RANBP2: variants seen among roughly 807,000 people sequenced by gnomAD.
The protein encoded by RANBP2 is RAN binding protein 2.
In RANBP2, 57 loss-of-function variants were observed where a neutral mutation model predicts 303.6. That is an observed-to-expected ratio of 0.19 (90% CI 0.15 to 0.23). RANBP2 has a LOEUF of 0.23. Among genes scored for constraint, RANBP2 ranks in the 10% least tolerant of loss-of-function variants. RANBP2 has a pLI of 1.00. For missense variants in RANBP2, 3,138 were observed against 3,780.8 expected (o/e 0.83, Z 4.46); for synonymous variants, 1,167 against 1,301.5 (o/e 0.90, Z 2.23).
At chr2:108,897,222 G>A in the RANBP2 span, 1 of 1,613,630 alleles carries the variant, frequency 6.2e-7, no homozygotes, top group Non-Finnish European at 8.5e-7. Flanking sequence ...GCTCCGTGGG[G>A]CTAAGACCTA....
the RANBP2 span, among the ~76,000 whole-genome samples, chr2:108,804,051 G>A: frequency 1.3e-5 from 2 of 151,990 alleles, no homozygotes; most frequent in Admixed American, 6.6e-5. Context: ...TAGATTCTCT[G>A]ATCTCTCCAT....
At chr2:108,994,344 C>T in the RANBP2 span, among the ~76,000 whole-genome samples, 59 of 152,318 alleles carry the variant, frequency 3.9e-4, 1 homozygote, top group South Asian at 1.2e-3. Context: ...GGGTTTGAGA[C>T]GGCCCCCACC....
At chr2:108,981,758 C>T in the RANBP2 span, among the ~76,000 whole-genome samples, 1 of 152,180 alleles carries the variant, frequency 6.6e-6, no homozygotes, top group East Asian at 1.9e-4. Context: ...GACAGCAAGG[C>T]GAAGTCCATG....
At chr2:109,472,817 A>G in the RANBP2 span, among the ~76,000 whole-genome samples, 6 of 152,196 alleles carry the variant, frequency 3.9e-5, no homozygotes, top group Admixed American at 6.5e-5. Flanking sequence ...TGGAAATCCA[A>G]CACACAGCAA....
chr2:109,242,059 T>C, the RANBP2 span, among the ~76,000 whole-genome samples: 53 of 152,078 alleles, frequency 3.5e-4, 2 homozygotes, highest in East Asian at 9.7e-3. Context: ...CTGGCTCTGG[T>C]GTAGACGGGG....
the RANBP2 span, among the ~76,000 whole-genome samples, chr2:109,353,593 G>T: frequency 8.5e-5 from 13 of 152,280 alleles, no homozygotes; most frequent in South Asian, 2.1e-3. Flanking sequence ...CCTGGCCAGG[G>T]CTGGCAGGCC....
chr2:109,106,401 AC>A, the RANBP2 span, among the ~76,000 whole-genome samples: 2 of 152,118 alleles, frequency 1.3e-5, no homozygotes, highest in South Asian at 4.1e-4. Context: ...ACAAGATAAA[AC>A]TGTGCATCAC....
the RANBP2 span, among the ~76,000 whole-genome samples, chr2:109,517,748 C>CCGTG: frequency 2.8e-4 from 43 of 152,330 alleles, 1 homozygote; most frequent in South Asian, 5.4e-3. Flanking sequence ...CAAGTGCCCA[C>CCGTG]CGTGCAGCAC....
chr2:108,830,608 T>A, the RANBP2 span, among the ~76,000 whole-genome samples: 121,564 of 151,200 alleles, frequency 0.8, 48,942 homozygotes, highest in East Asian at 0.95. Flanking sequence ...GGAGTTCAAG[T>A]CCAACCTGGC....
chr2:108,910,717 G>A, the RANBP2 span: 43 of 1,582,338 alleles, frequency 2.7e-5, no homozygotes, highest in African/African-American at 9.4e-5. Flanking sequence ...TTCTGGGAAC[G>A]CCCTCCACCC....
the RANBP2 span, among the ~76,000 whole-genome samples, chr2:109,726,173 C>T: frequency 6.6e-6 from 1 of 151,160 alleles, no homozygotes; most frequent in African/African-American, 2.4e-5. Context: ...CTTTGGGAGG[C>T]TGACGCAGGC....
the RANBP2 span, among the ~76,000 whole-genome samples, chr2:109,643,386 A>T: frequency 6.6e-6 from 1 of 152,220 alleles, no homozygotes. Context: ...GTTAAGCATT[A>T]TAAGTCACAG....
the RANBP2 span, among the ~76,000 whole-genome samples, chr2:109,421,724 C>T: frequency 3.3e-5 from 5 of 152,048 alleles, no homozygotes; most frequent in South Asian, 4.1e-4. Flanking sequence ...ACTTATGTGT[C>T]GGACAACATC....
the RANBP2 span, among the ~76,000 whole-genome samples, chr2:109,647,155 CTTTTTTTTTTTT>C: frequency 2.8e-5 from 2 of 71,474 alleles, no homozygotes; most frequent in African/African-American, 1.1e-4. Flanking sequence ...GCTCTCCTCA[CTTTTTTTTTTTT>C]TTTTTTTTTT....
the RANBP2 span, among the ~76,000 whole-genome samples, chr2:109,166,427 A>G: frequency 7.0e-6 from 1 of 142,882 alleles, no homozygotes; most frequent in Non-Finnish European, 1.5e-5. Context: ...TGGTGAGCTG[A>G]GATTGTGCCA....
At chr2:109,407,031 C>CT in the RANBP2 span, among the ~76,000 whole-genome samples, 1 of 152,232 alleles carries the variant, frequency 6.6e-6, no homozygotes, top group Non-Finnish European at 1.5e-5. Flanking sequence ...TAGTGTGGCT[C>CT]TGACGGCTAT....
At chr2:109,272,526 G>A in the RANBP2 span, among the ~76,000 whole-genome samples, 3 of 152,216 alleles carry the variant, frequency 2.0e-5, no homozygotes, top group African/African-American at 7.2e-5. Context: ...CAGGGGCCGA[G>A]TAGGGTGTGT....
chr2:108,880,800 G>A, the RANBP2 span, among the ~76,000 whole-genome samples: 1 of 152,126 alleles, frequency 6.6e-6, no homozygotes, highest in Non-Finnish European at 1.5e-5. Flanking sequence ...AGTGCACCCA[G>A]TGACCAAAGA....
At chr2:109,672,260 G>C in the RANBP2 span, among the ~76,000 whole-genome samples, 1 of 152,150 alleles carries the variant, frequency 6.6e-6, no homozygotes, top group Non-Finnish European at 1.5e-5. Context: ...ATAAAATATT[G>C]GTAGCAAACA....
Sources: allele counts gnomAD v4.1 joint callset (sites outside exome capture counted in the v4.1 genomes callset), GRCh38; gene constraint gnomAD v4.1.1; transcripts MANE v1.5; gene names NCBI Gene and HGNC (gene_info 2026-07-23, HGNC 2026-07-21).